Variants in NOL4 observed in about 807,000 individuals in gnomAD.
NOL4 encodes the protein cancer/testis antigen 125.
NOL4 carries 17 observed loss-of-function variants against 75.9 expected under a neutral mutation model. The ratio of observed to expected loss-of-function variants is 0.22; its 90% CI spans 0.15 to 0.34. NOL4 has a LOEUF of 0.34. NOL4 is among the 10% of genes least tolerant of loss of function. The pLI is 1.00. For synonymous variants in NOL4, 292 were observed against 289.9 expected (o/e 1.01, Z -0.07); for missense variants, 614 against 793.5 (o/e 0.77, Z 2.72).
chr18:34,108,105 GA>G (rs1209896846), intron 2 of NOL4, among the ~76,000 whole-genome samples: 1 of 152,120 alleles, frequency 6.6e-6, no homozygotes, highest in Non-Finnish European at 1.5e-5. Flanking sequence ...ACCAAGTATT[GA>G]AGCCATTGAA....
At chr18:33,963,298 A>C (rs1318021194) in intron 6 of NOL4, among the ~76,000 whole-genome samples, 1 of 152,204 alleles carries the variant, frequency 6.6e-6, no homozygotes, top group African/African-American at 2.4e-5. Flanking sequence ...ATTGCAATTC[A>C]AGACTGACTA....
chr18:33,937,795 A>T (rs1341811099), intron 9 of NOL4, among the ~76,000 whole-genome samples: 2 of 152,138 alleles, frequency 1.3e-5, no homozygotes, highest in Non-Finnish European at 2.9e-5. Context: ...CACTTTTAAG[A>T]TACTAATTAT....
At chr18:34,205,586 CAAGA>C (rs2036067971) in intron 1 of NOL4, among the ~76,000 whole-genome samples, 1 of 152,012 alleles carries the variant, frequency 6.6e-6, no homozygotes, top group Admixed American at 6.6e-5. Flanking sequence ...GATGTCGCAG[CAAGA>C]AAGAGACGAA....
intron 10 of NOL4, among the ~76,000 whole-genome samples, chr18:33,877,266 A>G (rs1045119861): frequency 9.9e-5 from 15 of 151,944 alleles, no homozygotes; most frequent in Non-Finnish European, 2.1e-4. Context: ...CAGGAGTTCA[A>G]GACCAGCTTG....
At chr18:34,057,375 CGGT>C (rs2076874763) in intron 5 of NOL4, among the ~76,000 whole-genome samples, 1 of 152,122 alleles carries the variant, frequency 6.6e-6, no homozygotes. Flanking sequence ...AAAAACTATG[CGGT>C]TTCTGTTTAC....
intron 1 of NOL4, among the ~76,000 whole-genome samples, chr18:34,211,340 AT>A (rs2036504078): frequency 6.6e-6 from 1 of 152,184 alleles, no homozygotes; most frequent in Non-Finnish European, 1.5e-5. Context: ...GTAAACAACA[AT>A]GACCATGTAA....
rs2062660187 is a variant in NOL4 at position 33,852,338 on chromosome 18, GT to G, written c.*503del. 1 of 151,212 alleles carries G rather than the reference GT, an allele frequency of 6.6e-6. No homozygotes were observed. The highest frequency in any genetic ancestry group is 6.6e-5 in the Admixed American group (1 of 15,120). 9.4% of individuals were successfully genotyped at this position (151,212 alleles called of 1,614,324 possible). A position where few individuals can be genotyped will look rare whatever the true frequency, so the allele number is the denominator to read the frequency against. ...AATGACAAGTTTGAATGAAAAACAA[GT>G]TTTCTTTTTATAAAAATTACATATT... On this transcript the variant is annotated 3_prime_UTR_variant, in exon 11 of 11. Transcript: ENST00000261592.
intron 1 of NOL4, among the ~76,000 whole-genome samples, chr18:34,192,652 A>G (rs2035006326): frequency 6.6e-6 from 1 of 152,248 alleles, no homozygotes; most frequent in South Asian, 2.1e-4. Context: ...ACAACTTGAT[A>G]TCCTCATGGA....
At chr18:33,956,236 T>C (rs563074614) in intron 8 of NOL4, among the ~76,000 whole-genome samples, 203 of 152,270 alleles carry the variant, frequency 1.3e-3, no homozygotes, top group Non-Finnish European at 2.3e-3. Flanking sequence ...ATTTGATATA[T>C]TTGTCTACAG....
At chr18:33,936,992 T>C (rs1345691968) in intron 9 of NOL4, among the ~76,000 whole-genome samples, 2 of 152,032 alleles carry the variant, frequency 1.3e-5, no homozygotes, top group Middle Eastern at 3.4e-3. Flanking sequence ...AAATAATAAA[T>C]ATATAGAGAA....
intron 2 of NOL4, among the ~76,000 whole-genome samples, chr18:34,113,841 C>T (rs2145773507): frequency 6.6e-6 from 1 of 152,164 alleles, no homozygotes; most frequent in East Asian, 1.9e-4. Context: ...TGTTAAGTAC[C>T]TCTATGACTC....
At chr18:33,962,816 T>G (rs1404560294) in intron 6 of NOL4, among the ~76,000 whole-genome samples, 1 of 152,146 alleles carries the variant, frequency 6.6e-6, no homozygotes, top group East Asian at 1.9e-4. Flanking sequence ...ATGCAAATAT[T>G]CTGGGCTAAT....
intron 6 of NOL4, among the ~76,000 whole-genome samples, chr18:33,987,157 A>G (rs2072525694): frequency 1.3e-5 from 2 of 152,110 alleles, no homozygotes; most frequent in Non-Finnish European, 2.9e-5. Context: ...AGTACTTTAC[A>G]CTAAAAATGG....
chr18:33,854,053 G>T (rs1475300647), intron 10 of NOL4, among the ~76,000 whole-genome samples: 1 of 152,038 alleles, frequency 6.6e-6, no homozygotes, highest in Non-Finnish European at 1.5e-5. Flanking sequence ...GAATAAAACA[G>T]TACTAAGCAC....
chr18:34,028,005 T>G (rs888057075), intron 5 of NOL4, among the ~76,000 whole-genome samples: 1 of 152,206 alleles, frequency 6.6e-6, no homozygotes, highest in African/African-American at 2.4e-5. Context: ...CAAATCAAAA[T>G]TTAAAAATCT....
chr18:34,165,064 G>A (rs1268474668), intron 1 of NOL4, among the ~76,000 whole-genome samples: 1 of 143,402 alleles, frequency 7.0e-6, no homozygotes, highest in Non-Finnish European at 1.5e-5. Flanking sequence ...ACACAGGAAG[G>A]GGAACATCAC....
chr18:33,932,646 AT>A (rs1167535708), intron 9 of NOL4, among the ~76,000 whole-genome samples: 1 of 152,124 alleles, frequency 6.6e-6, no homozygotes, highest in East Asian at 1.9e-4. Flanking sequence ...TTATTTATGT[AT>A]TTCATTATTT....
At chr18:34,100,511 G>A (rs906652719) in intron 4 of NOL4, among the ~76,000 whole-genome samples, 1 of 152,060 alleles carries the variant, frequency 6.6e-6, no homozygotes, top group Non-Finnish European at 1.5e-5. Context: ...CAGTATAATT[G>A]ACTTATCACT....
chr18:34,104,166 T>C lies in NOL4; in HGVS notation c.527-7A>G, dbSNP rs1219098598. 1.3e-6 allele frequency: 2 copies of C among 1,551,846 alleles called. No homozygotes were observed. The highest frequency in any genetic ancestry group is 1.1e-5 in the South Asian group (1 of 89,748). ...GTGGGAGGTTTTCCATTATCTGTAA[T>C]AAAACATTTTTAATGGGTAATGAAA... On this transcript the variant is annotated splice_polypyrimidine_tract_variant and splice_region_variant and intron_variant, in intron 3 of 10. Transcript: ENST00000261592.
Sources: gnomAD v4.1 joint callset for allele counts (sites outside exome capture counted in the v4.1 genomes callset) on GRCh38, gnomAD v4.1.1 for gene constraint, MANE v1.5 for transcripts, NCBI Gene and HGNC (gene_info 2026-07-23, HGNC 2026-07-21) for gene names.